TMOD3: variants seen among roughly 807,000 people sequenced by gnomAD.
TMOD3 encodes tropomodulin-3.
In TMOD3, 20 loss-of-function variants were observed where a neutral mutation model predicts 39.2. That is an observed-to-expected ratio of 0.51 (90% confidence interval 0.36 to 0.74). The LOEUF (loss-of-function observed/expected upper bound fraction) is 0.74. TMOD3 is among the 30% of genes least tolerant of loss of function. TMOD3 has a pLI of 0.00. For synonymous variants in TMOD3, 143 were observed against 145.8 expected (o/e 0.98, Z 0.14); for missense variants, 381 against 412.8 (o/e 0.92, Z 0.67).
At chr15:51,836,228 C>G (rs1469202829) in intron 1 of TMOD3, among the ~76,000 whole-genome samples, 2 of 152,064 alleles carry the variant, frequency 1.3e-5, no homozygotes, top group African/African-American at 4.8e-5. Flanking sequence ...GAACCATCAC[C>G]ACCATTTTAG....
intron 3 of TMOD3, among the ~76,000 whole-genome samples, chr15:51,876,610 T>C (rs1181799830): frequency 2.0e-5 from 3 of 151,692 alleles, no homozygotes; most frequent in African/African-American, 4.8e-5. Flanking sequence ...TACAGGCACC[T>C]GCCACCTCGC....
At position 51,881,550 on chromosome 15, in the gene TMOD3, C is replaced by CTTT. The variant is rs753814979; in HGVS notation, c.284-6013_284-6011dup. 7.9e-4 allele frequency among the ~76,000 whole-genome samples: 49 copies of CTTT among 61,836 alleles called. 6 individuals are homozygous for CTTT. Among genetic ancestry groups the CTTT allele is most frequent in the South Asian group, 3.5e-3 (5 of 1,440 alleles). 40.6% of individuals were successfully genotyped at this position (61,836 alleles called of 152,430 possible). On this transcript the variant is annotated intron_variant, in intron 3 of 9. Transcript: ENST00000308580. ...ACGGAGATACAATCTTTCTTTATTT[C>CTTT]TTTTTTTTTTTTTTTTTTTTTTTTT...
intron 7 of TMOD3, among the ~76,000 whole-genome samples, chr15:51,898,070 C>A (rs908953212): frequency 6.6e-5 from 10 of 152,190 alleles, no homozygotes; most frequent in African/African-American, 2.4e-4. Flanking sequence ...CATTCCTATT[C>A]GGATAACCCT....
At chr15:51,885,266 G>A (rs1046666475) in intron 3 of TMOD3, among the ~76,000 whole-genome samples, 5 of 149,344 alleles carry the variant, frequency 3.3e-5, no homozygotes, top group African/African-American at 4.9e-5. Context: ...GGTTTCTAGA[G>A]TAACTAGTTT....
intron 3 of TMOD3, among the ~76,000 whole-genome samples, chr15:51,870,502 G>C (rs1472027790): frequency 6.6e-6 from 1 of 152,134 alleles, no homozygotes; most frequent in Non-Finnish European, 1.5e-5. Flanking sequence ...TTTTATTTGA[G>C]AAAGAGGCCC....
chr15:51,859,249 A>C, intron 1 of TMOD3: 2 of 742,740 alleles, frequency 2.7e-6, no homozygotes, highest in South Asian at 1.3e-5. Context: ...TCTCCCTGCA[A>C]CATTTTCATT....
intron 4 of TMOD3, among the ~76,000 whole-genome samples, chr15:51,888,432 C>T (rs566121572): frequency 1.3e-5 from 2 of 152,298 alleles, no homozygotes; most frequent in Admixed American, 6.5e-5. Context: ...TGAAGACTGA[C>T]AGATCTGTAA....
chr15:51,855,893 A>G (rs994733975), intron 1 of TMOD3, among the ~76,000 whole-genome samples: 9 of 152,242 alleles, frequency 5.9e-5, no homozygotes, highest in Non-Finnish European at 8.8e-5. Context: ...ATGTTCCTCA[A>G]TAAAGGATGA....
chr15:51,868,464 C>T (rs1373107612), intron 2 of TMOD3, among the ~76,000 whole-genome samples: 4 of 152,128 alleles, frequency 2.6e-5, no homozygotes, highest in Non-Finnish European at 1.5e-5. Flanking sequence ...CTCCTCTATG[C>T]TCCAATATGT....
chr15:51,895,499 T>C lies in TMOD3; in HGVS notation c.628-920T>C, dbSNP rs1458748419. 3.9e-5 allele frequency among the ~76,000 whole-genome samples: 6 copies of C among 152,146 alleles called. No individual in the cohort carries two copies. In the East Asian group the frequency reaches 1.2e-3, roughly 29 times the overall value. Reference sequence around the variant, plus strand: ...CCTCCCAAACTGCTGGGATTACAGGTGTGAGCCACTGCGCCCGGCCTATTT... The same window carrying C: ...CCTCCCAAACTGCTGGGATTACAGGCGTGAGCCACTGCGCCCGGCCTATTT... On this transcript the variant is annotated intron_variant, in intron 6 of 9. Transcript: ENST00000308580.
At chr15:51,887,868 G>A in intron 4 of TMOD3, 157 bp downstream of exon 4, 1 of 826,894 alleles carries the variant, frequency 1.2e-6, no homozygotes, top group Non-Finnish European at 1.8e-6. Context: ...CGGTAAAGCT[G>A]ACGTAAAGAG....
intron 3 of TMOD3, among the ~76,000 whole-genome samples, chr15:51,886,763 G>A (rs1485561208): frequency 6.6e-6 from 1 of 152,168 alleles, no homozygotes; most frequent in Non-Finnish European, 1.5e-5. Flanking sequence ...TTTCTTAATA[G>A]CTAACCTTGT....
At chr15:51,879,889 C>CACAT (rs1555387141) in intron 3 of TMOD3, among the ~76,000 whole-genome samples, 6 of 151,002 alleles carry the variant, frequency 4.0e-5, no homozygotes, top group African/African-American at 1.5e-4. Context: ...CACACACACA[C>CACAT]GAAGAAGAAA....
chr15:51,832,994 T>A (rs568325882), intron 1 of TMOD3: 1 of 152,258 alleles, frequency 6.6e-6, no homozygotes, highest in Non-Finnish European at 1.5e-5. Flanking sequence ...CCCTTGGTCA[T>A]TGATAGTCCT....
rs10586896 is a variant in TMOD3, at chr15:51,878,376, A to ATGTGTG, written c.283+9029_283+9034dup. On this transcript the variant is annotated intron_variant, in intron 3 of 9. Coordinates refer to ENST00000308580, the MANE Select transcript of TMOD3 (RefSeq NM_014547.5). ...AACAAGAACCATCTCTTTAAAATAT[A>ATGTGTG]TGTGTGTGTGTGTGTGTGTGTGTGT... 5.6e-3 allele frequency among the ~76,000 whole-genome samples: 828 copies of ATGTGTG among 147,348 alleles called. 3 individuals are homozygous for ATGTGTG. The highest frequency in any genetic ancestry group is 0.015 in the East Asian group (75 of 5,058).
Position 51,913,679 on chromosome 15 carries a change from T to G in TMOD3, c.*4869T>G, listed in dbSNP as rs1342767447. 6.6e-6 allele frequency: 1 copy of G among 152,208 alleles called. No individual in the cohort carries two copies. The highest frequency in any genetic ancestry group is 6.5e-5 in the Admixed American group (1 of 15,272). 9.4% of individuals were successfully genotyped at this position (152,208 alleles called of 1,614,324 possible). On this transcript the variant is annotated 3_prime_UTR_variant, in exon 10 of 10. Transcript: ENST00000308580. ...AAAGACATGGCTAAGTAAACTATTTTAAGCCATAACTAAGTATTTTGGAAA... is the reference window on the plus strand; with the variant it reads ...AAAGACATGGCTAAGTAAACTATTTGAAGCCATAACTAAGTATTTTGGAAA...
At chr15:51,856,606 ATTT>A (rs61532703) in intron 1 of TMOD3, among the ~76,000 whole-genome samples, 1 of 149,256 alleles carries the variant, frequency 6.7e-6, no homozygotes, top group East Asian at 1.9e-4. Flanking sequence ...TATTAAGGGC[ATTT>A]TTTTTTTTTA....
chr15:51,897,738 C>T (rs748331315), intron 7 of TMOD3, among the ~76,000 whole-genome samples: 3 of 148,654 alleles, frequency 2.0e-5, no homozygotes, highest in African/African-American at 7.5e-5. Flanking sequence ...CCACCTCAAC[C>T]TCCCAAAGTG....
At chr15:51,868,437 T>C (rs903107912) in intron 2 of TMOD3, among the ~76,000 whole-genome samples, 4 of 152,148 alleles carry the variant, frequency 2.6e-5, no homozygotes, top group African/African-American at 4.8e-5. Context: ...ATCCTCTACC[T>C]CCTCCCACCC....
Sources: gnomAD v4.1 joint callset for allele counts (sites outside exome capture counted in the v4.1 genomes callset) on GRCh38, gnomAD v4.1.1 for gene constraint, MANE v1.5 for transcripts, NCBI Gene and HGNC (gene_info 2026-07-23, HGNC 2026-07-21) for gene names.